Variants in MARCHF1 observed in about 807,000 individuals in gnomAD.
MARCHF1 encodes membrane associated ring-CH-type finger 1.
MARCHF1 carries 40 observed loss-of-function variants against 54.2 expected under a neutral mutation model. The ratio of observed to expected loss-of-function variants is 0.74; its 90% CI spans 0.57 to 0.96. The LOEUF is 0.96. Ranked by LOEUF, MARCHF1 falls within the 40% of genes least tolerant of loss-of-function variation. The pLI is 0.00. For synonymous variants in MARCHF1, 236 were observed against 236.3 expected (o/e 1.00, Z 0.01); for missense variants, 586 against 656.5 (o/e 0.89, Z 1.17).
chr4:164,025,179 A>T (rs925042133), intron 2 of MARCHF1, among the ~76,000 whole-genome samples: 1 of 152,180 alleles, frequency 6.6e-6, no homozygotes. Context: ...CATTACACAG[A>T]TCATTGAGGC....
At chr4:164,342,994 G>C (rs971174885) in intron 1 of MARCHF1, among the ~76,000 whole-genome samples, 1 of 152,140 alleles carries the variant, frequency 6.6e-6, no homozygotes. Context: ...TGGGGATAAA[G>C]AGGGAGAGGC....
At chr4:164,172,715 C>T (rs55881163) in intron 1 of MARCHF1, among the ~76,000 whole-genome samples, 28,784 of 152,136 alleles carry the variant, frequency 0.19, 4,378 homozygotes, top group African/African-American at 0.41. Context: ...CGGTGGCTCA[C>T]GCCTGTAATC....
At chr4:164,135,692 G>T (rs1404333443) in intron 1 of MARCHF1, among the ~76,000 whole-genome samples, 8 of 152,182 alleles carry the variant, frequency 5.3e-5, no homozygotes, top group African/African-American at 1.9e-4. Flanking sequence ...ATTGGCTGGG[G>T]ACATAGAGCT....
intron 1 of MARCHF1, among the ~76,000 whole-genome samples, chr4:164,304,436 C>T (rs1273941126): frequency 6.6e-6 from 1 of 152,138 alleles, no homozygotes; most frequent in Non-Finnish European, 1.5e-5. Flanking sequence ...TATTTCCCTC[C>T]CACTCCTTCA....
chr4:163,650,526 G>A (rs1043844667), intron 5 of MARCHF1, among the ~76,000 whole-genome samples: 1 of 151,826 alleles, frequency 6.6e-6, no homozygotes, highest in Non-Finnish European at 1.5e-5. Context: ...TATATGTGAC[G>A]ATGAAGCTTA....
At chr4:163,559,005 G>A (rs1440405374) in intron 8 of MARCHF1, among the ~76,000 whole-genome samples, 1 of 151,998 alleles carries the variant, frequency 6.6e-6, no homozygotes, top group African/African-American at 2.4e-5. Context: ...AAATGTTCCC[G>A]TACAGTCCAA....
At chr4:163,730,156 CTGTT>C (rs1306250739) in intron 4 of MARCHF1, among the ~76,000 whole-genome samples, 2 of 152,052 alleles carry the variant, frequency 1.3e-5, no homozygotes, top group African/African-American at 4.8e-5. Flanking sequence ...TTTCTTCTGT[CTGTT>C]CAAAACTGCC....
chr4:164,174,807 C>T (rs1035775647), intron 1 of MARCHF1, among the ~76,000 whole-genome samples: 5 of 152,092 alleles, frequency 3.3e-5, no homozygotes, highest in Non-Finnish European at 7.4e-5. Flanking sequence ...ACCACAAAAA[C>T]GAATTCTGGT....
chr4:163,858,129 C>T (rs1749820199), intron 3 of MARCHF1, among the ~76,000 whole-genome samples: 1 of 151,330 alleles, frequency 6.6e-6, no homozygotes, highest in African/African-American at 2.4e-5. Context: ...ATCCACATTG[C>T]AATCCATGTA....
At chr4:163,940,766 T>C (rs4339162) in intron 3 of MARCHF1, among the ~76,000 whole-genome samples, 55 of 152,278 alleles carry the variant, frequency 3.6e-4, no homozygotes, top group Non-Finnish European at 6.2e-4. Context: ...ACACAGTATA[T>C]ATCCATTTGG....
intron 3 of MARCHF1, among the ~76,000 whole-genome samples, chr4:163,896,067 C>T (rs147815789): frequency 3.9e-4 from 59 of 152,204 alleles, no homozygotes; most frequent in African/African-American, 6.3e-4. Flanking sequence ...AAATACCATG[C>T]GTAACCATTT....
At chr4:164,100,921 G>A (rs369595373) in intron 2 of MARCHF1, among the ~76,000 whole-genome samples, 19 of 152,070 alleles carry the variant, frequency 1.2e-4, no homozygotes, top group Admixed American at 1.0e-3. Flanking sequence ...TGCGCGAGCC[G>A]AAGTAGGGCG....
chr4:164,183,410 A>G (rs1352099094), intron 1 of MARCHF1, among the ~76,000 whole-genome samples: 1 of 152,168 alleles, frequency 6.6e-6, no homozygotes, highest in East Asian at 1.9e-4. Flanking sequence ...TGATAAGAGT[A>G]GAAAATCTTT....
intron 2 of MARCHF1, among the ~76,000 whole-genome samples, chr4:164,030,498 T>A (rs1420556758): frequency 6.6e-6 from 1 of 152,222 alleles, no homozygotes; most frequent in Admixed American, 6.5e-5. Flanking sequence ...ATTGTTCATA[T>A]GAACACTTTC....
At chr4:164,321,483 G>A (rs1287781572) in intron 1 of MARCHF1, among the ~76,000 whole-genome samples, 15 of 135,702 alleles carry the variant, frequency 1.1e-4, no homozygotes, top group Non-Finnish European at 1.7e-4. Context: ...GAACACCAAG[G>A]ATAAAAAAAA....
chr4:163,824,953 A>G (rs1270993421), intron 4 of MARCHF1, among the ~76,000 whole-genome samples: 3 of 150,126 alleles, frequency 2.0e-5, no homozygotes, highest in African/African-American at 7.3e-5. Flanking sequence ...ACCATCTCAC[A>G]CCAGTTAGAA....
chr4:164,058,535 C>G (rs890035506), intron 2 of MARCHF1, among the ~76,000 whole-genome samples: 2 of 152,132 alleles, frequency 1.3e-5, no homozygotes, highest in African/African-American at 4.8e-5. Flanking sequence ...TCTTGAAATT[C>G]TTAATAATTT....
chr4:164,147,465 G>C (rs71641111), intron 1 of MARCHF1, among the ~76,000 whole-genome samples: 80,273 of 100,340 alleles, frequency 0.8, 33,407 homozygotes, highest in Non-Finnish European at 0.88. Flanking sequence ...AAATGTGGCA[G>C]ATATACACCA....
At chr4:164,107,893 A>G (rs1429050745) in intron 2 of MARCHF1, among the ~76,000 whole-genome samples, 1 of 152,132 alleles carries the variant, frequency 6.6e-6, no homozygotes, top group East Asian at 1.9e-4. Flanking sequence ...GGATATTTCA[A>G]AAATTGGAAA....
Sources: gnomAD v4.1 joint callset for allele counts (sites outside exome capture counted in the v4.1 genomes callset) on GRCh38, gnomAD v4.1.1 for gene constraint, MANE v1.5 for transcripts, NCBI Gene and HGNC (gene_info 2026-07-23, HGNC 2026-07-21) for gene names.